TAPBP: variants seen among roughly 807,000 people sequenced by gnomAD.
The protein encoded by TAPBP is TAP binding protein, also known as tapasin.
A neutral mutation model predicts 45.7 loss-of-function variants in TAPBP; 38 were observed. The ratio of observed to expected loss-of-function variants is 0.83; its 90% CI spans 0.64 to 1.09. The LOEUF (loss-of-function observed/expected upper bound fraction) is 1.09. TAPBP is among the 50% of genes least tolerant of loss of function. TAPBP has a pLI of 0.00. For synonymous variants in TAPBP, 226 were observed against 254.8 expected (o/e 0.89, Z 1.08); for missense variants, 513 against 587.3 (o/e 0.87, Z 1.31).
Position 33,305,224 on chromosome 6 carries a change from C to G in TAPBP, c.633G>C (p.Leu211=). The change falls in exon 4 of 8, where the codon CTG becomes CTC. Residue 211 remains leucine, a synonymous_variant. Coordinates refer to ENST00000434618, the MANE Select transcript of TAPBP (RefSeq NM_003190.5). The surrounding 1 kb of genome is among the most constrained non-coding windows in gnomAD (Gnocchi z 4.4). ...PFGLEWRRQH[L]GKGHLLLAAT... ...CAGCCAGGAGCAGATGTCCCTTACC[C>G]AGGTGCTGGCGTCGCCACTCTAGCC... 1 of 1,613,782 alleles carries G rather than the reference C, an allele frequency of 6.2e-7. No individual in the cohort carries two copies. Among genetic ancestry groups the G allele is most frequent in the Non-Finnish European group, 8.5e-7 (1 of 1,179,776 alleles).
At chr6:33,304,805 G>A in intron 4 of TAPBP, 167 bp from the exon 5 acceptor site, 1 of 1,256,210 alleles carries the variant, frequency 8.0e-7, no homozygotes, top group South Asian at 1.5e-5. Flanking sequence ...AAATACCCAT[G>A]TCAAAGCCCC....
At position 33,301,629 on chromosome 6, in the gene TAPBP, A is replaced by G; in HGVS notation, c.*131T>C. Reference sequence around the variant, plus strand: ...TATATAAGTGAAAGAAAAAAAAAAAAGCATTCCAGCCACTCAGTGGAGAGA... The same window carrying G: ...TATATAAGTGAAAGAAAAAAAAAAAGGCATTCCAGCCACTCAGTGGAGAGA... On this transcript the variant is annotated 3_prime_UTR_variant, in exon 8 of 8. Transcript: ENST00000434618. The G allele has an allele frequency of 1.3e-6, 1 of 781,308 alleles. No homozygotes were observed. 48.4% of individuals were successfully genotyped at this position (781,308 alleles called of 1,614,324 possible). A position where few individuals can be genotyped will look rare whatever the true frequency, so the allele number is the denominator to read the frequency against.
In TAPBP at chr6:33,313,638, G is replaced by A; in HGVS notation, c.208+56C>T. 6.3e-7 allele frequency: 1 copy of A among 1,578,272 alleles called. No homozygotes were observed. The highest frequency in any genetic ancestry group is 1.8e-5 in the Admixed American group (1 of 56,576). ...AGGTCACTGCCGGATCTAAAGAGGA[G>A]GGGGTTTCGGTGGAGGCGACAGAGG... On this transcript the variant is annotated intron_variant, in intron 2 of 7. Transcript: ENST00000434618. This position sits in a 1 kb window ranked among gnomAD's most constrained non-coding sequence, Gnocchi z 7.2.
Position 33,300,803 on chromosome 6 carries a change from A to C in TAPBP, c.*957T>G, listed in dbSNP as rs901816736. On this transcript the variant is annotated 3_prime_UTR_variant, in exon 8 of 8. Coordinates refer to ENST00000434618, the MANE Select transcript of TAPBP (RefSeq NM_003190.5). ...ACACGGTGAAACCCCGTCTCTACTA[A>C]AAAATACAAAATATTAGCCAGGCAT... The C allele has an allele frequency of 6.6e-6, 1 of 151,712 alleles. No individual in the cohort carries two copies. The highest frequency in any genetic ancestry group is 1.5e-5 in the Non-Finnish European group (1 of 67,972). The allele number at this position is 151,712 out of a possible 1,614,324, so 9.4% of individuals were successfully genotyped here.
At chr6:33,304,269 C>T (rs750014940) in intron 5 of TAPBP, 28 bp downstream of exon 5, 42 of 1,604,680 alleles carry the variant, frequency 2.6e-5, no homozygotes, top group Middle Eastern at 1.7e-4. Flanking sequence ...GGTGCTGGCT[C>T]AGATTCCGCA....
In TAPBP at chr6:33,304,597, C is replaced by A; in HGVS notation, c.910G>T (p.Ala304Ser). ...VSLMPATLAR[A>S]APGEAPPELL... ...TCCGGGGGTGCCTCCCCTGGGGCGG[C>A]CCGTGCAAGGGTTGCTGGCATCAGG... is the stretch of plus-strand genomic sequence containing the variant. Residue 304 changes from alanine (A) to serine (S), a missense_variant, in exon 5 of 8, where the codon GCC (alanine) becomes TCC (serine). Coordinates refer to ENST00000434618, the MANE Select transcript of TAPBP (RefSeq NM_003190.5). 1 of 1,595,404 alleles carries A rather than the reference C, an allele frequency of 6.3e-7. No individual in the cohort carries two copies. Among genetic ancestry groups the A allele is most frequent in the African/African-American group, 1.3e-5 (1 of 74,776 alleles).
intron 7 of TAPBP, among the ~76,000 whole-genome samples, chr6:33,302,798 C>T (rs1478907119): frequency 6.6e-6 from 1 of 151,428 alleles, no homozygotes; most frequent in East Asian, 2.0e-4. Context: ...GGTGCCGTCA[C>T]ATCTGGCTAA....
chr6:33,303,377 C>G (rs1768717456), intron 7 of TAPBP, among the ~76,000 whole-genome samples: 1 of 151,948 alleles, frequency 6.6e-6, no homozygotes, highest in East Asian at 1.9e-4. Flanking sequence ...CGAGATCGCA[C>G]CATTGCACCC....
chr6:33,305,371 G>A lies in TAPBP; in HGVS notation c.486C>T (p.Leu162=). ...ITMATVVLTV[L]THTPAPRVRL... is the part of the protein sequence containing the mutation. ...TCACTCGAGGGGCAGGGGTGTGGGT[G>A]AGGACAGTCAGTACCACTGAGGAAG... The change falls in exon 4 of 8, where the codon CTC becomes CTT. Residue 162 remains leucine (L), a synonymous_variant. Transcript: ENST00000434618. This position sits in a 1 kb window ranked among gnomAD's most constrained non-coding sequence, Gnocchi z 4.4. 1.3e-5 allele frequency: 20 copies of A among 1,527,816 alleles called. No individual in the cohort carries two copies. Among genetic ancestry groups the A allele is most frequent in the Non-Finnish European group, 1.7e-5 (19 of 1,139,826 alleles). 94.6% of individuals were successfully genotyped at this position (1,527,816 alleles called of 1,614,324 possible).
At position 33,313,609 on chromosome 6, in the gene TAPBP, C is replaced by T; in HGVS notation, c.208+85G>A. ...TCACTTTACAAAGGGGAAGCTGAGG[C>T]CTGAGGTCACTGCCGGATCTAAAGA... is the stretch of plus-strand genomic sequence containing the variant. On this transcript the variant is annotated intron_variant, in intron 2 of 7. Coordinates refer to ENST00000434618, the MANE Select transcript of TAPBP (RefSeq NM_003190.5). This position sits in a 1 kb window ranked among gnomAD's most constrained non-coding sequence, Gnocchi z 7.2. The T allele has an allele frequency of 2.6e-6, 4 of 1,551,006 alleles. 1 individual carries two copies. The South Asian group carries it at 4.8e-5, about 19-fold the overall frequency.
In TAPBP at chr6:33,313,717, G is replaced by A. The variant is rs758158568; in HGVS notation, c.185C>T (p.Pro62Leu). ...ACCGTGTACACTGAGATAGAGCTCA[G>A]GGTCGAGGTCCGGCCGGGGCGGCGG... is the stretch of plus-strand genomic sequence containing the variant. Reference protein sequence around the residue: ...GEPPPRPDLDPELYLSVHDPA... With the variant: ...GEPPPRPDLDLELYLSVHDPA... The change falls in exon 2 of 8, where the codon CCT becomes CTT. Residue 62 changes from proline (P) to leucine (L), a missense_variant. Coordinates refer to ENST00000434618, the MANE Select transcript of TAPBP (RefSeq NM_003190.5). This position sits in a 1 kb window ranked among gnomAD's most constrained non-coding sequence, Gnocchi z 7.2. 54 of 1,613,202 alleles carry A rather than the reference G, an allele frequency of 3.3e-5. No homozygotes were observed. The highest frequency in any genetic ancestry group is 6.7e-5 in the Admixed American group (4 of 59,984).
chr6:33,309,678 C>T (rs1769216076), intron 3 of TAPBP, among the ~76,000 whole-genome samples: 1 of 144,324 alleles, frequency 6.9e-6, no homozygotes, highest in Non-Finnish European at 1.5e-5. Flanking sequence ...AACACAGCCT[C>T]CCGAGTAGCT....
chr6:33,307,289 A>G lies in TAPBP; in HGVS notation c.470-1902T>C, dbSNP rs1041794789. Among the ~76,000 whole-genome samples the G allele has an allele frequency of 8.5e-5, 13 of 152,320 alleles. No homozygotes were observed. The East Asian group carries it at 2.3e-3, about 27-fold the overall frequency. ...GGCAACAGAGTGAGACTCCGTCTCA[A>G]AACTAAATAAATAAATAAAATAAAA... is the stretch of plus-strand genomic sequence containing the variant. On this transcript the variant is annotated intron_variant, in intron 3 of 7. Coordinates refer to ENST00000434618, the MANE Select transcript of TAPBP (RefSeq NM_003190.5).
chr6:33,301,509 G>A lies in TAPBP; in HGVS notation c.*251C>T, dbSNP rs1465613147. On this transcript the variant is annotated 3_prime_UTR_variant, in exon 8 of 8. Transcript: ENST00000434618. ...GAATTGCTTGAACCCAGGAGGCGGAGGTTGCAGTAAGCCAAGATCATGCCA... is the reference window on the plus strand; with the variant it reads ...GAATTGCTTGAACCCAGGAGGCGGAAGTTGCAGTAAGCCAAGATCATGCCA... 1 of 500,708 alleles carries A rather than the reference G, an allele frequency of 2.0e-6. No homozygotes were observed. The highest frequency in any genetic ancestry group is 3.2e-5 in the East Asian group (1 of 31,142). 31.0% of individuals were successfully genotyped at this position (500,708 alleles called of 1,614,324 possible). A position where few individuals can be genotyped will look rare whatever the true frequency, so the allele number is the denominator to read the frequency against.
intron 7 of TAPBP, among the ~76,000 whole-genome samples, chr6:33,302,913 G>A (rs1405268862): frequency 1.3e-5 from 2 of 152,140 alleles, no homozygotes; most frequent in Non-Finnish European, 2.9e-5. Flanking sequence ...AAAGTGCAGG[G>A]ATTACAGGCA....
chr6:33,311,432 C>T (rs1769335677), intron 3 of TAPBP, among the ~76,000 whole-genome samples: 1 of 152,092 alleles, frequency 6.6e-6, no homozygotes, highest in Non-Finnish European at 1.5e-5. Flanking sequence ...AGTTCGAGAC[C>T]AGCCTTACCA....
At chr6:33,312,530 T>A (rs1328489006) in intron 3 of TAPBP, among the ~76,000 whole-genome samples, 1 of 152,180 alleles carries the variant, frequency 6.6e-6, no homozygotes, top group Non-Finnish European at 1.5e-5. Flanking sequence ...CCCTCCCACG[T>A]CCCAGCCTAG....
chr6:33,301,515 A>C lies in TAPBP; in HGVS notation c.*245T>G, dbSNP rs940085298. The C allele has an allele frequency of 9.9e-6, 5 of 507,360 alleles. No individual in the cohort carries two copies. Among genetic ancestry groups the C allele is most frequent in the African/African-American group, 9.7e-5 (5 of 51,392 alleles). 31.4% of individuals were successfully genotyped at this position (507,360 alleles called of 1,614,324 possible). A position where few individuals can be genotyped will look rare whatever the true frequency, so the allele number is the denominator to read the frequency against. On this transcript the variant is annotated 3_prime_UTR_variant, in exon 8 of 8. Transcript: ENST00000434618. The stretch of plus-strand genomic sequence containing the variant: ...CTTGAACCCAGGAGGCGGAGGTTGC[A>C]GTAAGCCAAGATCATGCCACTGCAC...
At position 33,313,705 on chromosome 6, in the gene TAPBP, A is replaced by G. The variant is rs1257158236; in HGVS notation, c.197T>C (p.Leu66Pro). Residue 66 changes from leucine (L) to proline (P), a missense_variant, in exon 2 of 8, where the codon CTC (leucine) becomes CCC (proline). Coordinates refer to ENST00000434618, the MANE Select transcript of TAPBP (RefSeq NM_003190.5). The surrounding 1 kb of genome is among the most constrained non-coding windows in gnomAD (Gnocchi z 7.2). ...CCCTAGAGACTCACCGTGTACACTG[A>G]GATAGAGCTCAGGGTCGAGGTCCGG... ...PRPDLDPELYLSVHDPAGALQ... is the reference protein window; with the variant it reads ...PRPDLDPELYPSVHDPAGALQ... The G allele has an allele frequency of 6.2e-7, 1 of 1,612,996 alleles. No individual in the cohort carries two copies. The highest frequency in any genetic ancestry group is 8.5e-7 in the Non-Finnish European group (1 of 1,179,808).
Sources: allele counts gnomAD v4.1 joint callset (sites outside exome capture counted in the v4.1 genomes callset), GRCh38; gene constraint gnomAD v4.1.1; non-coding constraint Gnocchi (gnomAD v3.1); transcripts MANE v1.5; gene names NCBI Gene and HGNC (gene_info 2026-07-23, HGNC 2026-07-21).